Variants in FDX2 observed in about 807,000 individuals in gnomAD.
The protein encoded by FDX2 is ferredoxin 2, also known as ferredoxin-2, mitochondrial.
A neutral mutation model predicts 18.5 loss-of-function variants in FDX2; 13 were observed. That is an observed-to-expected ratio of 0.70 (90% CI 0.46 to 1.12). The LOEUF (loss-of-function observed/expected upper bound fraction) is 1.12. FDX2 is among the 50% of genes most tolerant of loss of function. The pLI is 0.00. For synonymous variants in FDX2, 132 were observed against 106.2 expected, an observed-to-expected ratio of 1.24 and a Z score of -1.49; for missense variants, 238 against 250.4, an observed-to-expected ratio of 0.95 and a Z score of 0.34.
In FDX2 at chr19:10,310,958, A is replaced by C. The variant is rs535648237; in HGVS notation, c.317-18T>G. On this transcript the variant is annotated intron_variant, in intron 3 of 4. Transcript: ENST00000393708. ...ACAGGCCCCTAGGGGTGGGAAGTGAAGGGGGCGCAGGTGAGTGGCAGAGTC... is the reference window on the plus strand; with the variant it reads ...ACAGGCCCCTAGGGGTGGGAAGTGACGGGGGCGCAGGTGAGTGGCAGAGTC... The C allele has an allele frequency of 6.3e-7, 1 of 1,586,906 alleles. No homozygotes were observed. Among genetic ancestry groups the C allele is most frequent in the South Asian group, 1.1e-5 (1 of 89,068 alleles).
intron 3 of FDX2, 50 bp downstream of exon 3, chr19:10,315,336 T>TTTTTTTTGACAAA: frequency 1.9e-6 from 2 of 1,064,304 alleles, no homozygotes; most frequent in South Asian, 1.6e-5. Context: ...TTTTTTTTTT[T>TTTTTTTTGACAAA]TTGGACAAAT....
intron 3 of FDX2, among the ~76,000 whole-genome samples, chr19:10,313,381 C>T (rs998905571): frequency 6.6e-6 from 1 of 152,014 alleles, no homozygotes; most frequent in African/African-American, 2.4e-5. Flanking sequence ...GGATTATTGT[C>T]CCTATTAGAC....
At chr19:10,314,616 G>A (rs1202683040) in intron 3 of FDX2, among the ~76,000 whole-genome samples, 1 of 152,114 alleles carries the variant, frequency 6.6e-6, no homozygotes, top group Non-Finnish European at 1.5e-5. Flanking sequence ...ACACTGATAA[G>A]ACAGAGTAAC....
intron 3 of FDX2, 99 bp downstream of exon 3, chr19:10,315,287 A>C: frequency 1.0e-6 from 1 of 978,658 alleles, no homozygotes; most frequent in Non-Finnish European, 1.5e-6. Context: ...TTTGGTGGGA[A>C]AAAGACGTGA....
Position 10,315,983 on chromosome 19 carries a change from A to G in FDX2, c.23T>C (p.Met8Thr), listed in dbSNP as rs201763046. The G allele has an allele frequency of 2.5e-6, 4 of 1,603,984 alleles. No individual in the cohort carries two copies. Among genetic ancestry groups the G allele is most frequent in the South Asian group, 1.1e-5 (1 of 89,974 alleles). Reference sequence around the variant, plus strand: ...CCTGGCACTCACGCCTCCCCGGGCCATGGAGGCGGCCATGACATGCATCAC... The same window carrying G: ...CCTGGCACTCACGCCTCCCCGGGCCGTGGAGGCGGCCATGACATGCATCAC... Residue 8 changes from methionine (M) to threonine (T), a missense_variant, in exon 1 of 5, where the codon ATG (methionine) becomes ACG (threonine). Physicochemically the swap from Met to Thr is moderately conservative, Grantham distance 81. Coordinates refer to ENST00000393708, the MANE Select transcript of FDX2 (RefSeq NM_001031734.4).
In FDX2 at chr19:10,314,974, G is replaced by A. The variant is rs536927157; in HGVS notation, c.316+412C>T. The stretch of plus-strand genomic sequence containing the variant: ...AAATTAGCTGGGCTTGGTGGTGGGC[G>A]CCTGTAATCCCAGCTAGTCTGGAGG... On this transcript the variant is annotated intron_variant, in intron 3 of 4. Transcript: ENST00000393708. Among the ~76,000 whole-genome samples the A allele has an allele frequency of 1.6e-4, 24 of 152,254 alleles. No homozygotes were observed. The South Asian group carries it at 4.6e-3, about 29-fold the overall frequency.
chr19:10,311,396 A>AT (rs34974235), intron 3 of FDX2, among the ~76,000 whole-genome samples: 18,429 of 143,210 alleles, frequency 0.13, 1,557 homozygotes, highest in Admixed American at 0.26. Flanking sequence ...AGGCATTAGG[A>AT]TTTTGTTTTT....
rs775011418 is a variant in FDX2 at position 10,310,651 on chromosome 19, G to T, written c.405-9C>A. 6.2e-7 allele frequency: 1 copy of T among 1,611,992 alleles called. No homozygotes were observed. Among genetic ancestry groups the T allele is most frequent in the Non-Finnish European group, 8.5e-7 (1 of 1,179,144 alleles). The stretch of plus-strand genomic sequence containing the variant: ...CTAGCATGTCGTCTTCCCTAGGGTG[G>T]TGACACGGGCAGTGTTAGCCGAGGG... On this transcript the variant is annotated splice_polypyrimidine_tract_variant and intron_variant, in intron 4 of 4. Transcript: ENST00000393708.
At chr19:10,314,331 G>A (rs2040355410) in intron 3 of FDX2, among the ~76,000 whole-genome samples, 1 of 152,184 alleles carries the variant, frequency 6.6e-6, no homozygotes, top group African/African-American at 2.4e-5. Flanking sequence ...TCAAACATCT[G>A]TTACATCTTG....
Position 10,315,743 on chromosome 19 carries a change from T to G in FDX2, c.171A>C (p.Gly57=). 1.5e-5 allele frequency: 23 copies of G among 1,573,528 alleles called. No homozygotes were observed. The highest frequency in any genetic ancestry group is 1.9e-5 in the Non-Finnish European group (22 of 1,161,660). Residue 57 remains glycine (G), a synonymous_variant, in exon 2 of 5, where the codon GGA becomes GGC. Coordinates refer to ENST00000393708, the MANE Select transcript of FDX2 (RefSeq NM_001031734.4). ...GCTCCGGGCCGCCCGCGTCCTCCTC[T>G]CCAGCCGGGCGCGAGCCTGGAAAAC...
chr19:10,312,030 C>A (rs2040329985), intron 3 of FDX2, among the ~76,000 whole-genome samples: 1 of 151,732 alleles, frequency 6.6e-6, no homozygotes, highest in Non-Finnish European at 1.5e-5. Flanking sequence ...ACCATCACGC[C>A]CAGCTAATTT....
intron 2 of FDX2, 93 bp from the exon 3 acceptor site, chr19:10,315,585 C>T (rs907850643): frequency 5.3e-5 from 81 of 1,523,264 alleles, no homozygotes; most frequent in Non-Finnish European, 6.5e-5. Flanking sequence ...TGAGGCTTGA[C>T]GCACAGGTAC....
intron 3 of FDX2, 51 bp from the exon 4 acceptor site, chr19:10,310,991 G>GGCT: frequency 2.2e-6 from 3 of 1,392,192 alleles, no homozygotes; most frequent in Non-Finnish European, 3.0e-6. Context: ...GTCAGGAAGG[G>GGCT]GCTGCTATGC....
chr19:10,315,088 A>G (rs1351936146), intron 3 of FDX2, among the ~76,000 whole-genome samples: 1 of 152,082 alleles, frequency 6.6e-6, no homozygotes, highest in Non-Finnish European at 1.5e-5. Flanking sequence ...CTGGGCAACA[A>G]GAGTGAAACT....
At chr19:10,313,371 G>C in intron 3 of FDX2, among the ~76,000 whole-genome samples, 1 of 151,920 alleles carries the variant, frequency 6.6e-6, no homozygotes. Context: ...TTTACCTGTG[G>C]GATTATTGTC....
At position 10,311,866 on chromosome 19, in the gene FDX2, A is replaced by ATT. The variant is rs34531286; in HGVS notation, c.317-928_317-927dup. 8.4e-3 allele frequency among the ~76,000 whole-genome samples: 820 copies of ATT among 97,194 alleles called. 12 individuals carry two copies. Among genetic ancestry groups the ATT allele is most frequent in the Non-Finnish European group, 9.5e-3 (493 of 52,004 alleles). 63.8% of individuals were successfully genotyped at this position (97,194 alleles called of 152,430 possible). ...ATGTGCGCACCACCACACCTGGCTAATTTTTTTTTTTTTTTTTTTTTGAGG... is the reference window on the plus strand; with the variant it reads ...ATGTGCGCACCACCACACCTGGCTAATTTTTTTTTTTTTTTTTTTTTTTGAGG... On this transcript the variant is annotated intron_variant, in intron 3 of 4. Transcript: ENST00000393708.
In FDX2 at chr19:10,315,994, C is replaced by A. The variant is rs771690392; in HGVS notation, c.12G>T (p.Met4Ile). 6.2e-6 allele frequency: 10 copies of A among 1,602,606 alleles called. No homozygotes were observed. The highest frequency in any genetic ancestry group is 8.5e-6 in the Non-Finnish European group (10 of 1,177,310). The change falls in exon 1 of 5, where the codon ATG becomes ATT. Residue 4 changes from methionine (M) to isoleucine (I), a missense_variant. Met to Ile is a conservative substitution (Grantham distance 10). Coordinates refer to ENST00000393708, the MANE Select transcript of FDX2 (RefSeq NM_001031734.4). ...CGCCTCCCCGGGCCATGGAGGCGGC[C>A]ATGACATGCATCACGTGACTCACCG...
chr19:10,312,354 G>C (rs2040333622), intron 3 of FDX2, among the ~76,000 whole-genome samples: 2 of 151,850 alleles, frequency 1.3e-5, no homozygotes, highest in African/African-American at 4.8e-5. Flanking sequence ...GAAGTTTTCT[G>C]CTGACCACCT....
At chr19:10,312,172 A>ATT (rs60538704) in intron 3 of FDX2, among the ~76,000 whole-genome samples, 9,252 of 82,422 alleles carry the variant, frequency 0.11, 498 homozygotes, top group Non-Finnish European at 0.14. Flanking sequence ...ACCTGGCCAT[A>ATT]TTTTTTTTTT....
Sources: allele counts gnomAD v4.1 joint callset (sites outside exome capture counted in the v4.1 genomes callset), GRCh38; gene constraint gnomAD v4.1.1; transcripts MANE v1.5; gene names NCBI Gene and HGNC (gene_info 2026-07-23, HGNC 2026-07-21).